Variants in GCLM observed in about 807,000 individuals in gnomAD.
GCLM encodes glutamate-cysteine ligase modifier subunit.
Under a neutral mutation model 36.0 loss-of-function variants are expected in GCLM, and 15 were observed. The ratio of observed to expected loss-of-function variants is 0.42; its 90% CI spans 0.28 to 0.64. The LOEUF (loss-of-function observed/expected upper bound fraction) is 0.64. Ranked by LOEUF, GCLM falls within the 30% of genes least tolerant of loss-of-function variation. GCLM has a pLI of 0.25. For missense variants in GCLM, 242 were observed against 325.5 expected (o/e 0.74, Z 1.97); for synonymous variants, 129 against 122.8 (o/e 1.05, Z -0.34).
In GCLM at chr1:93,886,713, T is replaced by A. The variant is rs1157021012; in HGVS notation, c.*2277A>T. The A allele has an allele frequency of 1.3e-5, 2 of 152,042 alleles. No homozygotes were observed. Among genetic ancestry groups the A allele is most frequent in the African/African-American group, 2.4e-5 (1 of 41,406 alleles). The allele number at this position is 152,042 out of a possible 1,614,324, so 9.4% of individuals were successfully genotyped here. On this transcript the variant is annotated 3_prime_UTR_variant, in exon 7 of 7. Transcript: ENST00000370238. Reference sequence around the variant, plus strand: ...TTTCCCCCACTTTCAAAATAACCCTTCAAACAACCCATTTTTATAAGTCCA... The same window carrying A: ...TTTCCCCCACTTTCAAAATAACCCTACAAACAACCCATTTTTATAAGTCCA...
At chr1:93,898,816 G>C (rs1656836725) in intron 3 of GCLM, among the ~76,000 whole-genome samples, 1 of 152,026 alleles carries the variant, frequency 6.6e-6, no homozygotes, top group South Asian at 2.1e-4. Flanking sequence ...TAGACACAGG[G>C]TCTCGATATG....
In GCLM at chr1:93,886,535, G is replaced by C. The variant is rs2100899164; in HGVS notation, c.*2455C>G. ...AATAATAGAAAATCAAGAGTAGAGAGGTAAAAGTAAAAACTCATCAAAAAA... is the reference window on the plus strand; with the variant it reads ...AATAATAGAAAATCAAGAGTAGAGACGTAAAAGTAAAAACTCATCAAAAAA... On this transcript the variant is annotated 3_prime_UTR_variant, in exon 7 of 7. Transcript: ENST00000370238. 1 of 152,178 alleles carries C rather than the reference G, an allele frequency of 6.6e-6. No individual in the cohort carries two copies. Among genetic ancestry groups the C allele is most frequent in the South Asian group, 2.1e-4 (1 of 4,822 alleles). The allele number at this position is 152,178 out of a possible 1,614,324, so 9.4% of individuals were successfully genotyped here.
intron 1 of GCLM, 27 bp downstream of exon 1, chr1:93,909,011 C>G (rs1402578337): frequency 5.6e-6 from 8 of 1,433,288 alleles, no homozygotes; most frequent in Non-Finnish European, 3.7e-6. Flanking sequence ...GCCCCGGGAG[C>G]CCCGCGGCGA....
intron 1 of GCLM, 93 bp downstream of exon 1, chr1:93,908,945 C>T: frequency 1.9e-6 from 2 of 1,062,294 alleles, no homozygotes; most frequent in Non-Finnish European, 2.5e-6. Context: ...CTGCCACCCT[C>T]CCTCGCCCGC....
At chr1:93,903,752 C>T (rs1657046562) in intron 2 of GCLM, among the ~76,000 whole-genome samples, 1 of 152,088 alleles carries the variant, frequency 6.6e-6, no homozygotes, top group Non-Finnish European at 1.5e-5. Context: ...AAATCAGATA[C>T]ATATTAACTT....
intron 3 of GCLM, among the ~76,000 whole-genome samples, chr1:93,898,929 T>C (rs917810410): frequency 5.3e-5 from 8 of 152,280 alleles, no homozygotes; most frequent in African/African-American, 1.9e-4. Context: ...AATAGTCATG[T>C]GCTTACTGTA....
At chr1:93,890,569 G>C (rs1264416368) in intron 6 of GCLM, among the ~76,000 whole-genome samples, 1 of 151,984 alleles carries the variant, frequency 6.6e-6, no homozygotes. Context: ...CTTTCTTTAA[G>C]CATTTGAATA....
chr1:93,907,423 G>A (rs545311787), intron 1 of GCLM, among the ~76,000 whole-genome samples: 5 of 151,920 alleles, frequency 3.3e-5, no homozygotes, highest in African/African-American at 7.3e-5. Context: ...CAGAATATAC[G>A]GTATAAGGGC....
At chr1:93,894,765 A>G in intron 5 of GCLM, 37 bp from the exon 6 acceptor site, 1 of 897,784 alleles carries the variant, frequency 1.1e-6, no homozygotes, top group Middle Eastern at 2.2e-4. Flanking sequence ...TCACTACTAA[A>G]TTAAATATAA....
At chr1:93,892,593 CAA>C (rs1282079164) in intron 6 of GCLM, among the ~76,000 whole-genome samples, 1 of 151,812 alleles carries the variant, frequency 6.6e-6, no homozygotes, top group South Asian at 2.1e-4. Context: ...ACATTTTCAC[CAA>C]AAGTCTTAGA....
At position 93,909,066 on chromosome 1, in the gene GCLM, T is replaced by C; in HGVS notation, c.98A>G (p.Lys33Arg). 6.8e-7 allele frequency: 1 copy of C among 1,474,142 alleles called. No individual in the cohort carries two copies. Among genetic ancestry groups the C allele is most frequent in the Admixed American group, 2.4e-5 (1 of 42,262 alleles). The allele number at this position is 1,474,142 out of a possible 1,614,324, so 91.3% of individuals were successfully genotyped here. A position where few individuals can be genotyped will look rare whatever the true frequency, so the allele number is the denominator to read the frequency against. ...GNLLNWGRLR[K>R]KCPSTHSEEL... ...CTCGCTGTGCGTGGACGGGCACTTCTTCCGCAGGCGGCCCCAGTTCAGCAG... is the reference window on the plus strand; with the variant it reads ...CTCGCTGTGCGTGGACGGGCACTTCCTCCGCAGGCGGCCCCAGTTCAGCAG... Residue 33 changes from lysine to arginine, a missense_variant, in exon 1 of 7, where the codon AAG becomes AGG. Transcript: ENST00000370238.
At chr1:93,908,355 TGATA>T (rs1179257482) in intron 1 of GCLM, among the ~76,000 whole-genome samples, 2 of 152,200 alleles carry the variant, frequency 1.3e-5, no homozygotes, top group African/African-American at 2.4e-5. Context: ...ATTTTTGAAT[TGATA>T]GATTATATTT....
intron 6 of GCLM, 80 bp from the exon 7 acceptor site, chr1:93,889,239 T>A: frequency 1.1e-6 from 1 of 879,022 alleles, no homozygotes; most frequent in Non-Finnish European, 1.6e-6. Context: ...AGGTAAGCAT[T>A]TAACATAACA....
At chr1:93,904,013 T>A (rs570476368) in intron 2 of GCLM, among the ~76,000 whole-genome samples, 244 of 152,336 alleles carry the variant, frequency 1.6e-3, no homozygotes, top group Middle Eastern at 3.4e-3. Context: ...TTCCATACTT[T>A]TAAAGTAGCC....
chr1:93,902,172 GTTTGT>G (rs1236094955), intron 2 of GCLM, among the ~76,000 whole-genome samples: 9 of 151,870 alleles, frequency 5.9e-5, no homozygotes, highest in East Asian at 1.9e-4. Flanking sequence ...TTTTTTGTTT[GTTTGT>G]TTTGTTTTGT....
In GCLM at chr1:93,886,977, CAT is replaced by C. The variant is rs911232346; in HGVS notation, c.*2011_*2012del. ...TAAACAAGTTTTCCCAGGCAAATCA[CAT>C]GATTTCACATAATTTTTCTTTTTTT... On this transcript the variant is annotated 3_prime_UTR_variant, in exon 7 of 7. Transcript: ENST00000370238. 2 of 150,190 alleles carry C rather than the reference CAT, an allele frequency of 1.3e-5. No homozygotes were observed. Among genetic ancestry groups the C allele is most frequent in the Non-Finnish European group, 2.9e-5 (2 of 67,808 alleles). The allele number at this position is 150,190 out of a possible 1,614,324, so 9.3% of individuals were successfully genotyped here.
At chr1:93,908,375 T>C (rs1311468119) in intron 1 of GCLM, among the ~76,000 whole-genome samples, 1 of 152,114 alleles carries the variant, frequency 6.6e-6, no homozygotes, top group Non-Finnish European at 1.5e-5. Flanking sequence ...TATTTGTACA[T>C]ATTTATGGGG....
In GCLM at chr1:93,888,985, G is replaced by A. The variant is rs1010918932; in HGVS notation, c.*5C>T. 2 of 1,568,172 alleles carry A rather than the reference G, an allele frequency of 1.3e-6. No individual in the cohort carries two copies. The highest frequency in any genetic ancestry group is 2.8e-5 in the African/African-American group (2 of 72,204). On this transcript the variant is annotated 3_prime_UTR_variant, in exon 7 of 7. Coordinates refer to ENST00000370238, the MANE Select transcript of GCLM (RefSeq NM_002061.4). ...AATTACAGGTAAGTTATGCTCCTAA[G>A]TCAGTTAAGAACCCCTTCTTTTAGC... is the stretch of plus-strand genomic sequence containing the variant.
At position 93,888,019 on chromosome 1, in the gene GCLM, G is replaced by C. The variant is rs1480105256; in HGVS notation, c.*971C>G. 6.6e-6 allele frequency: 1 copy of C among 152,064 alleles called. No homozygotes were observed. The highest frequency in any genetic ancestry group is 1.5e-5 in the Non-Finnish European group (1 of 68,010). The allele number at this position is 152,064 out of a possible 1,614,324, so 9.4% of individuals were successfully genotyped here. ...AAAGTTGTTTAAGTAGATAATGTCG[G>C]CCCTGAATTAAGGATTTTTTTTTCA... is the stretch of plus-strand genomic sequence containing the variant. On this transcript the variant is annotated 3_prime_UTR_variant, in exon 7 of 7. Coordinates refer to ENST00000370238, the MANE Select transcript of GCLM (RefSeq NM_002061.4).
Sources: gnomAD v4.1 joint callset for allele counts (sites outside exome capture counted in the v4.1 genomes callset) on GRCh38, gnomAD v4.1.1 for gene constraint, MANE v1.5 for transcripts, NCBI Gene and HGNC (gene_info 2026-07-23, HGNC 2026-07-21) for gene names.